Variants in NRDC observed in about 807,000 individuals in gnomAD.
The protein encoded by NRDC is nardilysin convertase, also known as nardilysin.
In NRDC, 54 loss-of-function variants were observed where a neutral mutation model predicts 147.1. The observed-to-expected ratio is 0.37, with a 90% CI of 0.29 to 0.46. NRDC has a LOEUF of 0.46. NRDC is among the 20% of genes least tolerant of loss of function. The pLI is 1.00. For missense variants in NRDC, 1,082 were observed against 1,370.6 expected, an observed-to-expected ratio of 0.79 and a Z score of 3.33; for synonymous variants, 440 against 482.1, an observed-to-expected ratio of 0.91 and a Z score of 1.14.
chr1:51,847,087 C>CTGCA (rs1185569654), intron 1 of NRDC, among the ~76,000 whole-genome samples: 1 of 152,012 alleles, frequency 6.6e-6, no homozygotes, highest in Non-Finnish European at 1.5e-5. Context: ...CAAGTCCCCA[C>CTGCA]CAGATCAGCT....
At chr1:51,857,793 G>A (rs1467266688) in intron 1 of NRDC, among the ~76,000 whole-genome samples, 1 of 152,154 alleles carries the variant, frequency 6.6e-6, no homozygotes, top group East Asian at 1.9e-4. Context: ...ATTACAGTGG[G>A]TGCAGACTTC....
rs749985850 is a variant in NRDC, at chr1:51,837,539, T to A, written c.631-1327A>T. The A allele has an allele frequency of 3.1e-6, 5 of 1,592,314 alleles. No homozygotes were observed. In the South Asian group the frequency reaches 3.4e-5, roughly 11 times the overall value. ...AGATTTCTTGTCTCGACCAGCAGGG[T>A]TGAAGACATTTTTGAATAAGTTGAC... On this transcript the variant is annotated intron_variant, in intron 2 of 30. Coordinates refer to ENST00000352171, the MANE Select transcript of NRDC (RefSeq NM_001101662.2).
intron 21 of NRDC, chr1:51,799,262 G>C (rs1447620781): frequency 6.6e-6 from 1 of 151,962 alleles, no homozygotes; most frequent in Non-Finnish European, 1.5e-5. Context: ...TTGTTACATA[G>C]GTATACATGT....
intron 1 of NRDC, among the ~76,000 whole-genome samples, chr1:51,846,616 G>C (rs1422345024): frequency 6.6e-6 from 1 of 152,192 alleles, no homozygotes; most frequent in Non-Finnish European, 1.5e-5. Context: ...TACTCTCGCT[G>C]GCTTCAGGAG....
At chr1:51,871,836 A>G (rs1202906281) in intron 1 of NRDC, among the ~76,000 whole-genome samples, 2 of 152,092 alleles carry the variant, frequency 1.3e-5, no homozygotes, top group Non-Finnish European at 2.9e-5. Flanking sequence ...AGCTTTTACC[A>G]TCATTCAGTT....
Position 51,827,880 on chromosome 1 carries a change from A to G in NRDC, c.867-11T>C, listed in dbSNP as rs767418210. 1 of 1,612,796 alleles carries G rather than the reference A, an allele frequency of 6.2e-7. No individual in the cohort carries two copies. Among genetic ancestry groups the G allele is most frequent in the South Asian group, 1.1e-5 (1 of 90,940 alleles). ...AAGAACTGCGCCCATCTGAACAAAA[A>G]ACAAAACTGGCATTTCCGTTTTTGT... On this transcript the variant is annotated splice_polypyrimidine_tract_variant and intron_variant, in intron 4 of 30. Coordinates refer to ENST00000352171, the MANE Select transcript of NRDC (RefSeq NM_001101662.2).
chr1:51,866,315 A>C lies in NRDC; in HGVS notation c.341+11960T>G, dbSNP rs560717395. Reference sequence around the variant, plus strand: ...GGAACTCTCATGTTCTATTGGTGTCAATGTAAAAAAGCACAACCCATTAGA... The same window carrying C: ...GGAACTCTCATGTTCTATTGGTGTCCATGTAAAAAAGCACAACCCATTAGA... On this transcript the variant is annotated intron_variant, in intron 1 of 30. Transcript: ENST00000352171. 2.0e-5 allele frequency among the ~76,000 whole-genome samples: 3 copies of C among 152,322 alleles called. No individual in the cohort carries two copies. The South Asian group carries it at 6.2e-4, about 32-fold the overall frequency.
At chr1:51,845,959 T>TAA (rs564616192) in intron 1 of NRDC, among the ~76,000 whole-genome samples, 2 of 147,274 alleles carry the variant, frequency 1.4e-5, no homozygotes, top group African/African-American at 5.0e-5. Context: ...ACACCTAATT[T>TAA]AAAAAAAAAA....
chr1:51,854,697 G>A (rs1009515010), intron 1 of NRDC, among the ~76,000 whole-genome samples: 2 of 152,246 alleles, frequency 1.3e-5, no homozygotes, highest in African/African-American at 4.8e-5. Context: ...GCCAAGGTGG[G>A]AGGATCACTT....
At chr1:51,815,307 C>T (rs147563690) in intron 11 of NRDC, among the ~76,000 whole-genome samples, 9 of 151,846 alleles carry the variant, frequency 5.9e-5, no homozygotes, top group African/African-American at 2.2e-4. Flanking sequence ...CAGGCGTGAG[C>T]CACCGCGCCT....
At chr1:51,871,173 T>G (rs1180780088) in intron 1 of NRDC, among the ~76,000 whole-genome samples, 1 of 152,026 alleles carries the variant, frequency 6.6e-6, no homozygotes, top group Non-Finnish European at 1.5e-5. Context: ...AAAAATAAGC[T>G]GGGCATGGCG....
intron 5 of NRDC, among the ~76,000 whole-genome samples, chr1:51,827,473 A>G (rs1680496910): frequency 6.6e-6 from 1 of 152,226 alleles, no homozygotes; most frequent in Non-Finnish European, 1.5e-5. Context: ...TATAGCACAG[A>G]TCTATAATGA....
chr1:51,859,328 A>G (rs1007253542), intron 1 of NRDC, among the ~76,000 whole-genome samples: 1 of 152,236 alleles, frequency 6.6e-6, no homozygotes, highest in Non-Finnish European at 1.5e-5. Context: ...ACTAAAATAG[A>G]AATGGCTTCA....
chr1:51,824,460 T>A (rs927899108), intron 6 of NRDC, among the ~76,000 whole-genome samples: 4 of 152,158 alleles, frequency 2.6e-5, no homozygotes, highest in African/African-American at 9.7e-5. Context: ...GAAGCAAGAA[T>A]GCCCTATAAA....
At position 51,791,575 on chromosome 1, in the gene NRDC, C is replaced by T; in HGVS notation, c.2960+3G>A. 1 of 1,606,518 alleles carries T rather than the reference C, an allele frequency of 6.2e-7. No individual in the cohort carries two copies. The highest frequency in any genetic ancestry group is 8.5e-7 in the Non-Finnish European group (1 of 1,173,070). ...ACACTCATCTATTCACTCACTCACT[C>T]ACTTGTATTTGGTTGCCTGAGTCCC... On this transcript the variant is annotated splice_donor_region_variant and intron_variant, in intron 27 of 30. Coordinates refer to ENST00000352171, the MANE Select transcript of NRDC (RefSeq NM_001101662.2).
At chr1:51,823,591 C>A in intron 7 of NRDC, 73 bp downstream of exon 7, 2 of 1,230,478 alleles carry the variant, frequency 1.6e-6, no homozygotes, top group South Asian at 1.5e-5. Context: ...TACACTACAA[C>A]ACTGATACAG....
intron 19 of NRDC, among the ~76,000 whole-genome samples, chr1:51,804,712 A>G (rs1484106199): frequency 6.6e-6 from 1 of 152,140 alleles, no homozygotes; most frequent in Non-Finnish European, 1.5e-5. Context: ...ATGTTCAGAT[A>G]CATTTCCCAA....
chr1:51,825,847 T>C (rs1413384003), intron 5 of NRDC, among the ~76,000 whole-genome samples: 1 of 152,190 alleles, frequency 6.6e-6, no homozygotes, highest in African/African-American at 2.4e-5. Flanking sequence ...GACTGAATGT[T>C]TGTGTCCCCC....
chr1:51,828,183 T>C (rs856609), intron 4 of NRDC, among the ~76,000 whole-genome samples: 3,399 of 152,338 alleles, frequency 0.022, 114 homozygotes, highest in African/African-American at 0.078. Flanking sequence ...GCTCCTACCC[T>C]TACCTCAAGA....
Sources: gnomAD v4.1 joint callset for allele counts (sites outside exome capture counted in the v4.1 genomes callset) on GRCh38, gnomAD v4.1.1 for gene constraint, MANE v1.5 for transcripts, NCBI Gene and HGNC (gene_info 2026-07-23, HGNC 2026-07-21) for gene names.